The following RP1 variants were observed in gnomAD, a reference collection of about 807,000 sequenced individuals.
RP1 encodes the protein RP1 axonemal microtubule associated.
In RP1, 16 loss-of-function variants were observed where a neutral mutation model predicts 14.8. That is an observed-to-expected ratio of 1.08 (90% CI 0.73 to 1.65). The LOEUF (loss-of-function observed/expected upper bound fraction) is 1.65, where lower values mean the gene tolerates loss of function less well. Among genes scored for constraint, RP1 ranks in the 40% most tolerant of loss-of-function variants. The pLI, the probability that RP1 is intolerant of heterozygous loss-of-function variation, is 0.00. For synonymous variants in RP1, 876 were observed against 883.6 expected, an observed-to-expected ratio of 0.99 and a Z score of 0.15; for missense variants, 2,631 against 2,535.0, an observed-to-expected ratio of 1.04 and a Z score of -0.81.
At chr8:54,813,273 T>C (rs558975407) in intron 24 of RP1, among the ~76,000 whole-genome samples, 2 of 152,334 alleles carry the variant, frequency 1.3e-5, no homozygotes, top group Non-Finnish European at 2.9e-5. Context: ...CAAGTTAGCA[T>C]GCTAGGGAAA....
chr8:54,769,631 G>A, intron 22 of RP1: 1 of 753,424 alleles, frequency 1.3e-6, no homozygotes, highest in African/African-American at 1.8e-5. Context: ...AACATTTAGT[G>A]TGCAAAATTA....
chr8:54,775,040 T>C (rs1809999879), intron 23 of RP1, among the ~76,000 whole-genome samples: 1 of 151,816 alleles, frequency 6.6e-6, no homozygotes, highest in Admixed American at 6.6e-5. Context: ...ACTCACCCAC[T>C]GGATGTCAAC....
Position 54,625,758 on chromosome 8 carries a change from A to G in RP1, c.1876A>G (p.Ile626Val), listed in dbSNP as rs759436404. The G allele has an allele frequency of 9.3e-6, 15 of 1,613,822 alleles. No individual in the cohort carries two copies. The highest frequency in any genetic ancestry group is 3.3e-5 in the Admixed American group (2 of 60,030). Reference protein sequence around the residue: ...SSNNSGTDKNISEAPASEASS... With the variant: ...SSNNSGTDKNVSEAPASEASS... ...TAATAACTCTGGAACTGACAAAAAT[A>G]TTTCTGAGGCTCCAGCTTCAGAAGC... Residue 626 changes from isoleucine (I) to valine (V), a missense_variant, in exon 4 of 4, where the codon ATT becomes GTT. Transcript: ENST00000220676.
intron 22 of RP1, among the ~76,000 whole-genome samples, chr8:54,765,574 C>G (rs1809741615): frequency 6.6e-6 from 1 of 152,210 alleles, no homozygotes; most frequent in Admixed American, 6.5e-5. Flanking sequence ...GGCCATTTAC[C>G]TTTCTAGGCT....
intron 24 of RP1, among the ~76,000 whole-genome samples, chr8:54,803,276 G>A (rs563174965): frequency 1.5e-4 from 23 of 152,228 alleles, no homozygotes; most frequent in African/African-American, 2.2e-4. Flanking sequence ...TCACTGTCTC[G>A]TGGACGGGAC....
intron 9 of RP1, among the ~76,000 whole-genome samples, chr8:54,679,123 T>C (rs1361904709): frequency 6.6e-6 from 1 of 152,202 alleles, no homozygotes; most frequent in Non-Finnish European, 1.5e-5. Flanking sequence ...ATTGATCCAG[T>C]GAATATAACA....
At chr8:54,605,228 G>A (rs1052942159) in intron 1 of RP1, among the ~76,000 whole-genome samples, 1 of 152,054 alleles carries the variant, frequency 6.6e-6, no homozygotes, top group Non-Finnish European at 1.5e-5. Context: ...CAGAGATTCT[G>A]GTATGTTGTG....
At chr8:54,693,578 C>T (rs1807775087) in intron 12 of RP1, among the ~76,000 whole-genome samples, 1 of 152,102 alleles carries the variant, frequency 6.6e-6, no homozygotes, top group Admixed American at 6.6e-5. Context: ...CTCTTTGAAG[C>T]AATTGTGAAT....
rs180905645 is a variant in RP1, at chr8:54,607,277, C to A, written c.-12-13678C>A. Among the ~76,000 whole-genome samples, 891 of 152,330 alleles carry A rather than the reference C, an allele frequency of 5.8e-3. 12 individuals are homozygous for A. Among genetic ancestry groups the A allele is most frequent in the African/African-American group, 0.021 (854 of 41,564 alleles). The stretch of plus-strand genomic sequence containing the variant: ...TCCTTCTAACAGTCAGTACCCTCAG[C>A]TGCAGGTCTGTTGGAGTTTCCTGGA... On this transcript the variant is annotated intron_variant, in intron 1 of 22. Transcript: ENST00000636932.
intron 6 of RP1, among the ~76,000 whole-genome samples, chr8:54,659,858 G>A (rs438587): frequency 0.25 from 37,968 of 151,764 alleles, 5,128 homozygotes; most frequent in East Asian, 0.42. Context: ...ACAAACTTGG[G>A]GTGTCTTTCC....
intron 23 of RP1, among the ~76,000 whole-genome samples, chr8:54,779,222 GT>G (rs1810120843): frequency 6.6e-6 from 1 of 152,146 alleles, no homozygotes; most frequent in Admixed American, 6.5e-5. Flanking sequence ...GACGTGCTGG[GT>G]TTTTTCGCTT....
intron 25 of RP1, among the ~76,000 whole-genome samples, chr8:54,839,515 T>A (rs564854064): frequency 6.6e-6 from 1 of 152,332 alleles, no homozygotes; most frequent in South Asian, 2.1e-4. Context: ...TTCAGTCTAA[T>A]GACTCCGCCT....
intron 3 of RP1, among the ~76,000 whole-genome samples, chr8:54,641,536 A>G (rs1585576944): frequency 6.6e-6 from 1 of 152,132 alleles, no homozygotes; most frequent in South Asian, 2.1e-4. Flanking sequence ...CCTCCTGCTA[A>G]TGAGAGAAAT....
At chr8:54,782,905 T>C (rs1364613096) in intron 23 of RP1, among the ~76,000 whole-genome samples, 2 of 152,004 alleles carry the variant, frequency 1.3e-5, no homozygotes, top group Non-Finnish European at 2.9e-5. Context: ...TGATGCATTG[T>C]CTTTCTCTAT....
intron 19 of RP1, among the ~76,000 whole-genome samples, chr8:54,751,064 G>GT (rs1299544401): frequency 2.6e-5 from 4 of 152,210 alleles, no homozygotes; most frequent in African/African-American, 9.7e-5. Flanking sequence ...TTCAAGAGCT[G>GT]TAACACTCAC....
At chr8:54,761,703 T>G (rs1269910670) in intron 22 of RP1, among the ~76,000 whole-genome samples, 1 of 152,194 alleles carries the variant, frequency 6.6e-6, no homozygotes, top group East Asian at 1.9e-4. Context: ...TATAAAATAT[T>G]AAATGCTAAT....
chr8:54,758,319 G>T lies in RP1; in HGVS notation c.3094-603G>T, dbSNP rs545124247. On this transcript the variant is annotated intron_variant, in intron 21 of 22. Transcript: ENST00000636932. ...CCTGAATCTCTCTGGAAATGTCAGT[G>T]TATTTTTGATATAACAAACCAATTC... Among the ~76,000 whole-genome samples the T allele has an allele frequency of 1.6e-4, 25 of 152,268 alleles. No homozygotes were observed. In the South Asian group the frequency reaches 5.0e-3, roughly 30 times the overall value.
At chr8:54,831,216 T>C (rs1416231299) in intron 24 of RP1, among the ~76,000 whole-genome samples, 4 of 152,072 alleles carry the variant, frequency 2.6e-5, no homozygotes, top group Non-Finnish European at 5.9e-5. Context: ...TTTGGGTATA[T>C]ACCCAGCAGT....
At chr8:54,808,866 AC>A (rs1241106465) in intron 24 of RP1, among the ~76,000 whole-genome samples, 2 of 152,148 alleles carry the variant, frequency 1.3e-5, no homozygotes, top group East Asian at 1.9e-4. Flanking sequence ...ACCCCGTTCT[AC>A]CTAGATCAGC....
Sources: gnomAD v4.1 joint callset for allele counts (sites outside exome capture counted in the v4.1 genomes callset) on GRCh38, gnomAD v4.1.1 for gene constraint, MANE v1.5 for transcripts, NCBI Gene and HGNC (gene_info 2026-07-23, HGNC 2026-07-21) for gene names.